The following PTDSS1 variants were observed in gnomAD, a reference collection of about 807,000 sequenced individuals.
PTDSS1 encodes the protein PSS-1.
A neutral mutation model predicts 70.5 loss-of-function variants in PTDSS1; 45 were observed. The observed-to-expected ratio is 0.64, with a 90% CI of 0.50 to 0.82. PTDSS1 has a LOEUF of 0.82. Ranked by LOEUF, PTDSS1 falls within the 40% of genes least tolerant of loss-of-function variation. The pLI is 0.00. For missense variants in PTDSS1, 417 were observed against 586.1 expected (o/e 0.71, Z 2.98); for synonymous variants, 188 against 203.8 (o/e 0.92, Z 0.66).
intron 6 of PTDSS1, among the ~76,000 whole-genome samples, chr8:96,302,108 T>A (rs1811058650): frequency 6.6e-6 from 1 of 152,120 alleles, no homozygotes; most frequent in Non-Finnish European, 1.5e-5. Context: ...AGTCTCCACT[T>A]CCCGGGTTTA....
chr8:96,267,502 T>C (rs1810504893), intron 1 of PTDSS1, among the ~76,000 whole-genome samples: 2 of 152,152 alleles, frequency 1.3e-5, no homozygotes, highest in Non-Finnish European at 2.9e-5. Flanking sequence ...TTAGACAAAA[T>C]CATGGTCCCA....
rs753581325 is a variant in PTDSS1 at position 96,295,119 on chromosome 8, G to A, written c.463G>A (p.Val155Met). The change falls in exon 5 of 13, where the codon GTG becomes ATG. Residue 155 changes from valine (V) to methionine (M), a missense_variant. Coordinates refer to ENST00000517309, the MANE Select transcript of PTDSS1 (RefSeq NM_014754.3). ...ATAGGAGTATGCTGTGAACTGCCAT[G>A]TGATCACCTGGGAGAGGATTATCAG... ...DVMEYAVNCH[V>M]ITWERIISHF... 1.9e-6 allele frequency: 3 copies of A among 1,613,816 alleles called. No homozygotes were observed. The highest frequency in any genetic ancestry group is 2.2e-5 in the East Asian group (1 of 44,876).
intron 9 of PTDSS1, among the ~76,000 whole-genome samples, chr8:96,315,965 C>T (rs1310254563): frequency 6.6e-6 from 1 of 152,210 alleles, no homozygotes; most frequent in Non-Finnish European, 1.5e-5. Flanking sequence ...AGGCTTAATA[C>T]AGGCTCCCGC....
intron 12 of PTDSS1, 37 bp from the exon 13 acceptor site, chr8:96,333,420 G>T: frequency 6.4e-7 from 1 of 1,568,416 alleles, no homozygotes; most frequent in Non-Finnish European, 8.8e-7. Context: ...AATCTCCAGA[G>T]CCCAGGGTGA....
At position 96,299,822 on chromosome 8, in the gene PTDSS1, G is replaced by A. The variant is rs1413466035; in HGVS notation, c.729G>A (p.Arg243=). The A allele has an allele frequency of 6.2e-7, 1 of 1,613,494 alleles. No individual in the cohort carries two copies. Among genetic ancestry groups the A allele is most frequent in the Non-Finnish European group, 8.5e-7 (1 of 1,179,882 alleles). Residue 243 remains arginine (R), a synonymous_variant, in exon 6 of 13, where the codon AGG becomes AGA. Transcript: ENST00000517309. ...GMVVCRFLEM[R]TYHWASFKDI... is the part of the protein sequence containing the mutation. Reference sequence around the variant, plus strand: ...TCGTTTGCCGGTTTTTAGAGATGAGGACTTACCACTGGGCAAGCTTCAAGT... The same window carrying A: ...TCGTTTGCCGGTTTTTAGAGATGAGAACTTACCACTGGGCAAGCTTCAAGT...
chr8:96,270,386 G>A (rs552304524), intron 1 of PTDSS1, among the ~76,000 whole-genome samples: 5 of 152,144 alleles, frequency 3.3e-5, no homozygotes, highest in African/African-American at 4.8e-5. Context: ...TGGATTATTC[G>A]GGGTTCAGAG....
intron 3 of PTDSS1, among the ~76,000 whole-genome samples, chr8:96,286,011 C>T (rs562126095): frequency 1.6e-4 from 25 of 152,242 alleles, no homozygotes; most frequent in African/African-American, 5.3e-4. Context: ...ACATACCACC[C>T]GGGCCTCCCT....
intron 6 of PTDSS1, among the ~76,000 whole-genome samples, chr8:96,301,318 A>G (rs1046260150): frequency 9.9e-5 from 15 of 151,520 alleles, no homozygotes; most frequent in African/African-American, 3.6e-4. Context: ...CTGGTCTCGA[A>G]CTCCTGACCT....
intron 8 of PTDSS1, 67 bp downstream of exon 8, chr8:96,306,623 TA>T: frequency 8.0e-7 from 1 of 1,253,706 alleles, no homozygotes; most frequent in Non-Finnish European, 1.2e-6. Flanking sequence ...CTGTTTAGCA[TA>T]AGGAAAGTCA....
intron 4 of PTDSS1, among the ~76,000 whole-genome samples, chr8:96,290,110 ATC>A (rs1407367296): frequency 6.6e-6 from 1 of 152,202 alleles, no homozygotes; most frequent in Admixed American, 6.5e-5. Context: ...AAAATGCAGT[ATC>A]TCACTGAAAA....
chr8:96,280,260 A>C (rs965926102), intron 2 of PTDSS1, among the ~76,000 whole-genome samples: 1 of 152,246 alleles, frequency 6.6e-6, no homozygotes, highest in South Asian at 2.1e-4. Flanking sequence ...GGTGGCTGAC[A>C]CCTGTAATCT....
At chr8:96,307,155 G>A (rs1014341289) in intron 8 of PTDSS1, among the ~76,000 whole-genome samples, 4 of 152,016 alleles carry the variant, frequency 2.6e-5, no homozygotes, top group Admixed American at 2.0e-4. Flanking sequence ...TTCAAAGCAA[G>A]CATTTTCATT....
rs969057476 is a variant in PTDSS1, at chr8:96,334,192, T to C, written c.*626T>C. On this transcript the variant is annotated 3_prime_UTR_variant, in exon 13 of 13. Coordinates refer to ENST00000517309, the MANE Select transcript of PTDSS1 (RefSeq NM_014754.3). ...CCTGTTTGGTAACCTCAGTCTCCTG[T>C]AAGACCTCCTACCACATGGCGAGTA... The C allele has an allele frequency of 5.4e-6, 1 of 184,072 alleles. No individual in the cohort carries two copies. The highest frequency in any genetic ancestry group is 1.1e-5 in the Non-Finnish European group (1 of 88,848). 11.4% of individuals were successfully genotyped at this position (184,072 alleles called of 1,614,324 possible). A position where few individuals can be genotyped will look rare whatever the true frequency, so the allele number is the denominator to read the frequency against.
chr8:96,262,951 A>G lies in PTDSS1; in HGVS notation c.179+732A>G, dbSNP rs1455714400. Reference sequence around the variant, plus strand: ...ACCCATCATCTGTGTACATGGCTGCACAGACACCAGCCCGCCACACATCAC... The same window carrying G: ...ACCCATCATCTGTGTACATGGCTGCGCAGACACCAGCCCGCCACACATCAC... On this transcript the variant is annotated intron_variant, in intron 1 of 12. Transcript: ENST00000517309. This position sits in a 1 kb window ranked among gnomAD's most constrained non-coding sequence, Gnocchi z 4.4. 2.6e-5 allele frequency among the ~76,000 whole-genome samples: 4 copies of G among 152,116 alleles called. No homozygotes were observed. Among genetic ancestry groups the G allele is most frequent in the African/African-American group, 9.7e-5 (4 of 41,408 alleles).
chr8:96,332,781 G>A (rs1402673976), intron 12 of PTDSS1, among the ~76,000 whole-genome samples: 1 of 152,190 alleles, frequency 6.6e-6, no homozygotes, highest in Non-Finnish European at 1.5e-5. Flanking sequence ...TGTAACTCTG[G>A]TAACTTTTTT....
chr8:96,273,588 T>G (rs11991126), intron 2 of PTDSS1, among the ~76,000 whole-genome samples, 198 bp downstream of exon 2: 2,813 of 152,318 alleles, frequency 0.018, 82 homozygotes, highest in African/African-American at 0.064. Context: ...CTGAGAATAC[T>G]TCAGTTTCCT....
chr8:96,324,525 A>T (rs1221092480), intron 10 of PTDSS1, among the ~76,000 whole-genome samples: 1 of 152,224 alleles, frequency 6.6e-6, no homozygotes. Flanking sequence ...GTCCAAAAGT[A>T]TGGCAATGGC....
At chr8:96,329,018 ATTC>A (rs1413800931) in intron 10 of PTDSS1, among the ~76,000 whole-genome samples, 4 of 152,190 alleles carry the variant, frequency 2.6e-5, no homozygotes, top group South Asian at 4.1e-4. Context: ...CTGAGCTTTC[ATTC>A]TTCTTCTGGA....
Position 96,295,095 on chromosome 8 carries a change from T to C in PTDSS1, c.442-3T>C. On this transcript the variant is annotated splice_region_variant and splice_polypyrimidine_tract_variant and intron_variant, in intron 4 of 12. Transcript: ENST00000517309. ...TAATTATTCTCTTTTTTATTTTAAA[T>C]AGGAGTATGCTGTGAACTGCCATGT... 6.2e-7 allele frequency: 1 copy of C among 1,601,752 alleles called. No individual in the cohort carries two copies. Among genetic ancestry groups the C allele is most frequent in the Non-Finnish European group, 8.5e-7 (1 of 1,174,986 alleles).
Sources: gnomAD v4.1 joint callset for allele counts (sites outside exome capture counted in the v4.1 genomes callset) on GRCh38, gnomAD v4.1.1 for gene constraint, Gnocchi (gnomAD v3.1) non-coding constraint, MANE v1.5 for transcripts, NCBI Gene and HGNC (gene_info 2026-07-23, HGNC 2026-07-21) for gene names.